Variants in AKAP19 observed in about 807,000 individuals in gnomAD.
AKAP19 encodes the protein small A-kinase anchoring protein.
chr2:189,923,951 A>G, the AKAP19 span: 1 of 1,610,548 alleles, frequency 6.2e-7, no homozygotes, highest in Non-Finnish European at 8.5e-7. Flanking sequence ...AAAAATTGAA[A>G]AGGAACAGAG....
At chr2:190,105,925 C>G in the AKAP19 span, among the ~76,000 whole-genome samples, 2 of 152,136 alleles carry the variant, frequency 1.3e-5, no homozygotes, top group East Asian at 3.9e-4. Context: ...AGCACATTTC[C>G]TAGCACATTG....
At chr2:189,976,560 C>A in the AKAP19 span, among the ~76,000 whole-genome samples, 1 of 152,268 alleles carries the variant, frequency 6.6e-6, no homozygotes, top group African/African-American at 2.4e-5. Context: ...GTTTGGCCAT[C>A]TCCTGCCCCC....
At chr2:189,918,913 C>T in the AKAP19 span, among the ~76,000 whole-genome samples, 2 of 152,202 alleles carry the variant, frequency 1.3e-5, no homozygotes, top group Admixed American at 6.5e-5. Flanking sequence ...AATATCACAA[C>T]TGGTATGATT....
At chr2:190,066,014 G>T in the AKAP19 span, among the ~76,000 whole-genome samples, 2 of 152,134 alleles carry the variant, frequency 1.3e-5, no homozygotes, top group Admixed American at 6.6e-5. Context: ...TGCATCATTA[G>T]GGTGAGTGGG....
chr2:190,184,582 G>A, the AKAP19 span, among the ~76,000 whole-genome samples: 3 of 152,172 alleles, frequency 2.0e-5, no homozygotes, highest in Non-Finnish European at 4.4e-5. Flanking sequence ...ATAAATTAAA[G>A]ACTAGACTTC....
chr2:189,998,818 G>T, the AKAP19 span, among the ~76,000 whole-genome samples: 1 of 127,210 alleles, frequency 7.9e-6, no homozygotes, highest in Non-Finnish European at 1.6e-5. Flanking sequence ...TTTCACCCAG[G>T]CTGGAGCACA....
the AKAP19 span, among the ~76,000 whole-genome samples, chr2:190,153,823 C>T: frequency 6.6e-6 from 1 of 152,180 alleles, no homozygotes; most frequent in Admixed American, 6.5e-5. Flanking sequence ...TCTCAATTGA[C>T]ATTCATAACT....
At chr2:190,195,482 T>C in the AKAP19 span, among the ~76,000 whole-genome samples, 1 of 152,200 alleles carries the variant, frequency 6.6e-6, no homozygotes, top group East Asian at 1.9e-4. Flanking sequence ...TATCTCACTG[T>C]TTAAATTTAC....
the AKAP19 span, among the ~76,000 whole-genome samples, chr2:189,922,024 A>G: frequency 6.6e-6 from 1 of 152,244 alleles, no homozygotes; most frequent in Non-Finnish European, 1.5e-5. Flanking sequence ...ATGAGCACAT[A>G]GCAGAAAGGT....
chr2:189,912,599 AT>A, the AKAP19 span, among the ~76,000 whole-genome samples: 1 of 152,188 alleles, frequency 6.6e-6, no homozygotes, highest in Non-Finnish European at 1.5e-5. Flanking sequence ...ATAGTAATTT[AT>A]GAAGGCCAAG....
the AKAP19 span, among the ~76,000 whole-genome samples, chr2:189,891,435 G>T: frequency 1.7e-3 from 249 of 148,140 alleles, 3 homozygotes; most frequent in African/African-American, 6.3e-3. Flanking sequence ...GTGTTAGTCA[G>T]GATGGTCTCA....
the AKAP19 span, among the ~76,000 whole-genome samples, chr2:190,138,326 C>T: frequency 6.6e-6 from 1 of 152,118 alleles, no homozygotes; most frequent in Non-Finnish European, 1.5e-5. Flanking sequence ...GTAGATAGGC[C>T]ATATTAGTGG....
the AKAP19 span, chr2:190,164,086 A>G: frequency 6.6e-6 from 1 of 152,250 alleles, no homozygotes; most frequent in Non-Finnish European, 1.5e-5. Flanking sequence ...TCTTACTTTT[A>G]ACTGTGAGAC....
At chr2:190,189,424 C>G in the AKAP19 span, among the ~76,000 whole-genome samples, 1 of 152,180 alleles carries the variant, frequency 6.6e-6, no homozygotes, top group Admixed American at 6.5e-5. Context: ...CTGCCTGTTT[C>G]ATCTATTAGA....
At chr2:189,981,273 C>CTTTTTTTTT in the AKAP19 span, among the ~76,000 whole-genome samples, 5 of 128,996 alleles carry the variant, frequency 3.9e-5, no homozygotes, top group African/African-American at 5.8e-5. Context: ...CCTTCTTTGT[C>CTTTTTTTTT]TTTTTTTTTT....
the AKAP19 span, among the ~76,000 whole-genome samples, chr2:190,049,761 C>T: frequency 1.3e-5 from 2 of 152,144 alleles, no homozygotes; most frequent in Non-Finnish European, 2.9e-5. Context: ...CTATTAAGTC[C>T]TATTTGAATT....
chr2:190,007,877 G>A, the AKAP19 span, among the ~76,000 whole-genome samples: 21 of 152,110 alleles, frequency 1.4e-4, no homozygotes, highest in Non-Finnish European at 1.6e-4. Flanking sequence ...CACAAGAATC[G>A]CTTGAACCCA....
chr2:189,962,210 C>G, the AKAP19 span, among the ~76,000 whole-genome samples: 1 of 152,108 alleles, frequency 6.6e-6, no homozygotes, highest in African/African-American at 2.4e-5. Context: ...TAACTGCCTA[C>G]AGTATTAAGT....
chr2:189,973,531 A>G, the AKAP19 span, among the ~76,000 whole-genome samples: 7 of 152,152 alleles, frequency 4.6e-5, no homozygotes, highest in South Asian at 2.1e-4. Flanking sequence ...CTCTTTTTCT[A>G]TTGATTGGAA....
Sources: allele counts gnomAD v4.1 joint callset (sites outside exome capture counted in the v4.1 genomes callset), GRCh38; gene constraint gnomAD v4.1.1; transcripts MANE v1.5; gene names NCBI Gene and HGNC (gene_info 2026-07-23, HGNC 2026-07-21).